Variants in PPP1R9A observed in about 807,000 individuals in gnomAD.
PPP1R9A encodes the protein neurabin-1.
Under a neutral mutation model 141.9 loss-of-function variants are expected in PPP1R9A, and 59 were observed. That is an observed-to-expected ratio of 0.42 (90% CI 0.34 to 0.52). The LOEUF is 0.52. Ranked by LOEUF, PPP1R9A falls within the 20% of genes least tolerant of loss-of-function variation. The pLI is 0.10. For synonymous variants in PPP1R9A, 500 were observed against 569.7 expected, an observed-to-expected ratio of 0.88 and a Z score of 1.74; for missense variants, 1,444 against 1,611.9, an observed-to-expected ratio of 0.90 and a Z score of 1.78.
intron 2 of PPP1R9A, among the ~76,000 whole-genome samples, chr7:95,067,808 T>G (rs1219071522): frequency 6.6e-6 from 1 of 152,174 alleles, no homozygotes; most frequent in Non-Finnish European, 1.5e-5. Context: ...GTAACACACC[T>G]GTGTATACCC....
chr7:94,971,403 T>G (rs1013880252), intron 2 of PPP1R9A, among the ~76,000 whole-genome samples: 2 of 152,268 alleles, frequency 1.3e-5, no homozygotes, highest in African/African-American at 4.8e-5. Flanking sequence ...AAGAAAAGAC[T>G]GCAACGCTTT....
intron 5 of PPP1R9A, among the ~76,000 whole-genome samples, chr7:95,185,717 G>C (rs113123907): frequency 1.5e-3 from 223 of 152,184 alleles, no homozygotes; most frequent in African/African-American, 5.3e-3. Flanking sequence ...GGTGAGAGGT[G>C]AGGATGCAGT....
chr7:94,951,273 A>G (rs888558663), intron 2 of PPP1R9A, among the ~76,000 whole-genome samples: 11 of 151,922 alleles, frequency 7.2e-5, no homozygotes, highest in Non-Finnish European at 1.3e-4. Context: ...AATATTGACC[A>G]AAGGTGAGGG....
At chr7:95,188,406 A>C (rs950028978) in intron 5 of PPP1R9A, among the ~76,000 whole-genome samples, 1 of 152,124 alleles carries the variant, frequency 6.6e-6, no homozygotes, top group Non-Finnish European at 1.5e-5. Flanking sequence ...TGAAGATAGC[A>C]TATACTTGGT....
intron 2 of PPP1R9A, among the ~76,000 whole-genome samples, chr7:95,095,822 T>C (rs1405080664): frequency 6.6e-6 from 1 of 152,244 alleles, no homozygotes; most frequent in Non-Finnish European, 1.5e-5. Context: ...TCCTCATGTA[T>C]ATATGCATTC....
At chr7:95,224,935 T>C (rs186498375) in intron 7 of PPP1R9A, among the ~76,000 whole-genome samples, 267 of 150,018 alleles carry the variant, frequency 1.8e-3, no homozygotes, top group African/African-American at 6.3e-3. Context: ...CAATGAACTT[T>C]GTTTTTTTAA....
intron 2 of PPP1R9A, among the ~76,000 whole-genome samples, chr7:95,106,827 T>G (rs544060161): frequency 5.2e-4 from 79 of 151,930 alleles, no homozygotes; most frequent in Non-Finnish European, 7.6e-4. Flanking sequence ...TTTTTTTGAG[T>G]CTTATTATGT....
At chr7:95,287,056 C>G in intron 18 of PPP1R9A, 1 of 1,545,146 alleles carries the variant, frequency 6.5e-7, no homozygotes, top group Non-Finnish European at 8.9e-7. Flanking sequence ...TATGTTGTGT[C>G]TCCTGTTTCT....
At position 95,198,494 on chromosome 7, in the gene PPP1R9A, G is replaced by T. The variant is rs1475734987; in HGVS notation, c.1890+10G>T. The T allele has an allele frequency of 6.5e-7, 1 of 1,531,482 alleles. No homozygotes were observed. 94.9% of individuals were successfully genotyped at this position (1,531,482 alleles called of 1,614,324 possible). A position where few individuals can be genotyped will look rare whatever the true frequency, so the allele number is the denominator to read the frequency against. On this transcript the variant is annotated intron_variant, in intron 6 of 19. Coordinates refer to ENST00000433360, the MANE Select transcript of PPP1R9A (RefSeq NM_001166160.2). ...TGCCGACGATGACGAGGTCAGTAGTGCTTGCAAAGATTCTTTTTCCCACAT... is the reference window on the plus strand; with the variant it reads ...TGCCGACGATGACGAGGTCAGTAGTTCTTGCAAAGATTCTTTTTCCCACAT...
chr7:95,040,222 C>T (rs932180712), intron 2 of PPP1R9A, among the ~76,000 whole-genome samples: 14 of 151,842 alleles, frequency 9.2e-5, no homozygotes, highest in African/African-American at 3.4e-4. Context: ...TTCTCTCTCT[C>T]CCCCAGTCAA....
chr7:95,050,826 GAT>G (rs1366794322), intron 2 of PPP1R9A, among the ~76,000 whole-genome samples: 2 of 152,112 alleles, frequency 1.3e-5, no homozygotes, highest in Non-Finnish European at 2.9e-5. Flanking sequence ...AGTAGGTAAG[GAT>G]ATAGACATTT....
chr7:95,274,086 G>A lies in PPP1R9A; in HGVS notation c.3214G>A (p.Ala1072Thr). ...KIKRKFVDLG[A>T]PLRRNSSKGK... ...TCTGACTGCTTACTATCATTACAGG[G>A]CGCCTTTGCGAAGGAATTCCAGCAA... is the stretch of plus-strand genomic sequence containing the variant. Residue 1072 changes from alanine to threonine, a missense_variant and splice_region_variant, in exon 16 of 20, where the codon GCG (alanine) becomes ACG (threonine). Ala to Thr is a moderately conservative substitution (Grantham distance 58, BLOSUM62 0). This residue lies in a region of PPP1R9A where 459 missense variants were observed against 513.8 expected (regional missense o/e 0.89). Transcript: ENST00000433360. 3 of 1,572,226 alleles carry A rather than the reference G, an allele frequency of 1.9e-6. No individual in the cohort carries two copies. Among genetic ancestry groups the A allele is most frequent in the Non-Finnish European group, 2.6e-6 (3 of 1,161,110 alleles).
At chr7:95,167,262 A>C (rs1297250777) in intron 5 of PPP1R9A, among the ~76,000 whole-genome samples, 1 of 152,152 alleles carries the variant, frequency 6.6e-6, no homozygotes, top group African/African-American at 2.4e-5. Context: ...CACTATCACA[A>C]GAACAGCACA....
At chr7:95,054,631 C>T (rs1811266416) in intron 2 of PPP1R9A, among the ~76,000 whole-genome samples, 1 of 152,008 alleles carries the variant, frequency 6.6e-6, no homozygotes, top group South Asian at 2.1e-4. Flanking sequence ...CGTCCTGGCT[C>T]CCTGGTCCCT....
chr7:95,120,329 G>A (rs1217143741), intron 3 of PPP1R9A, among the ~76,000 whole-genome samples: 1 of 152,190 alleles, frequency 6.6e-6, no homozygotes, highest in Admixed American at 6.5e-5. Context: ...AGGAATTCCA[G>A]ATATGTTATG....
intron 3 of PPP1R9A, among the ~76,000 whole-genome samples, chr7:95,118,391 G>T (rs1159410159): frequency 6.6e-6 from 1 of 152,102 alleles, no homozygotes; most frequent in African/African-American, 2.4e-5. Context: ...GATTATTTAT[G>T]TTAGTCAGCA....
intron 12 of PPP1R9A, among the ~76,000 whole-genome samples, chr7:95,258,086 C>T (rs1344646953): frequency 4.6e-5 from 7 of 151,540 alleles, no homozygotes; most frequent in African/African-American, 1.2e-4. Context: ...CCTGAGGAAT[C>T]GCCACACTGA....
chr7:94,988,602 CT>C (rs1801129691), intron 2 of PPP1R9A, among the ~76,000 whole-genome samples: 1 of 151,974 alleles, frequency 6.6e-6, no homozygotes, highest in Non-Finnish European at 1.5e-5. Flanking sequence ...GTATTTACTT[CT>C]GTTACATTTT....
chr7:94,918,669 C>T (rs1019610440), intron 2 of PPP1R9A, among the ~76,000 whole-genome samples: 2 of 152,106 alleles, frequency 1.3e-5, no homozygotes, highest in African/African-American at 4.8e-5. Flanking sequence ...TCTTCATCCT[C>T]TGGAAAGCAG....
Sources: allele counts gnomAD v4.1 joint callset (sites outside exome capture counted in the v4.1 genomes callset), GRCh38; gene constraint gnomAD v4.1.1; regional missense constraint gnomAD v4.1.1; transcripts MANE v1.5; gene names NCBI Gene and HGNC (gene_info 2026-07-23, HGNC 2026-07-21).